ARRB1: variants seen among roughly 807,000 people sequenced by gnomAD.
The protein encoded by ARRB1 is beta-arrestin-1.
In ARRB1, 21 loss-of-function variants were observed where a neutral mutation model predicts 56.8. The observed-to-expected ratio is 0.37, with a 90% confidence interval of 0.26 to 0.53. The LOEUF is 0.53. ARRB1 is among the 20% of genes least tolerant of loss of function. The pLI is 0.88. For missense variants in ARRB1, 424 were observed against 553.7 expected, an observed-to-expected ratio of 0.77 and a Z score of 2.35; for synonymous variants, 210 against 218.6, an observed-to-expected ratio of 0.96 and a Z score of 0.35.
At chr11:75,297,718 A>G (rs1014723291) in intron 1 of ARRB1, among the ~76,000 whole-genome samples, 3 of 151,798 alleles carry the variant, frequency 2.0e-5, no homozygotes, top group Non-Finnish European at 4.4e-5. Context: ...TACAAACATT[A>G]GCCAGGTGTG....
chr11:75,266,088 A>T lies in ARRB1; in HGVS notation c.*75T>A. On this transcript the variant is annotated 3_prime_UTR_variant, in exon 16 of 16. Transcript: ENST00000420843. ...AAGAACAAAGGGGAAAAGAAACCAGAACAGGAAGAAGACGAGTAAGCATCC... is the reference window on the plus strand; with the variant it reads ...AAGAACAAAGGGGAAAAGAAACCAGTACAGGAAGAAGACGAGTAAGCATCC... 2 of 1,304,814 alleles carry T rather than the reference A, an allele frequency of 1.5e-6. No individual in the cohort carries two copies. The highest frequency in any genetic ancestry group is 2.2e-6 in the Non-Finnish European group (2 of 902,462). 80.8% of individuals were successfully genotyped at this position (1,304,814 alleles called of 1,614,324 possible). A position where few individuals can be genotyped will look rare whatever the true frequency, so the allele number is the denominator to read the frequency against.
chr11:75,267,158 T>G (rs1010569649), intron 15 of ARRB1, among the ~76,000 whole-genome samples: 11 of 152,266 alleles, frequency 7.2e-5, no homozygotes, highest in Non-Finnish European at 1.3e-4. Context: ...CTGGAGGCGG[T>G]CCGCGCAGTC....
intron 1 of ARRB1, among the ~76,000 whole-genome samples, chr11:75,345,830 G>T (rs891379992): frequency 2.0e-5 from 3 of 152,124 alleles, no homozygotes; most frequent in African/African-American, 7.2e-5. Context: ...AGCACTTAGG[G>T]AGTCCCTGGA....
At chr11:75,297,864 C>CAA (rs34831668) in intron 1 of ARRB1, among the ~76,000 whole-genome samples, 3,163 of 29,214 alleles carry the variant, frequency 0.11, 900 homozygotes, top group African/African-American at 0.3. Context: ...GACTTTGTCT[C>CAA]AAAAAAAAAA....
At position 75,261,762 on chromosome 11, in the gene ARRB1, A is replaced by T. The variant is rs147000172; in HGVS notation, c.*4401T>A. ...TCGTCCAGGAGGAATGGCAGAAGAG[A>T]TGGAGCTGCCTGGGCCAGGAGGAAA... On this transcript the variant is annotated 3_prime_UTR_variant, in exon 16 of 16. Transcript: ENST00000420843. 1 of 152,312 alleles carries T rather than the reference A, an allele frequency of 6.6e-6. No individual in the cohort carries two copies. The highest frequency in any genetic ancestry group is 1.9e-4 in the East Asian group (1 of 5,186). The allele number at this position is 152,312 out of a possible 1,614,324, so 9.4% of individuals were successfully genotyped here.
At chr11:75,303,494 C>A in intron 1 of ARRB1, 1 of 444,844 alleles carries the variant, frequency 2.2e-6, no homozygotes, top group South Asian at 1.6e-5. Context: ...CCTGACTCCT[C>A]TGCCCTTGCT....
rs1299300769 is a variant in ARRB1 at position 75,264,002 on chromosome 11, T to A, written c.*2161A>T. Reference sequence around the variant, plus strand: ...CTGGAGGGCATATGTTTGCCATGCATTGCTCCAGCATTTCATCAGCTCTGC... The same window carrying A: ...CTGGAGGGCATATGTTTGCCATGCAATGCTCCAGCATTTCATCAGCTCTGC... On this transcript the variant is annotated 3_prime_UTR_variant, in exon 16 of 16. Coordinates refer to ENST00000420843, the MANE Select transcript of ARRB1 (RefSeq NM_004041.5). Among the ~76,000 whole-genome samples, 3 of 152,214 alleles carry A rather than the reference T, an allele frequency of 2.0e-5. No individual in the cohort carries two copies. Among genetic ancestry groups the A allele is most frequent in the African/African-American group, 7.2e-5 (3 of 41,456 alleles).
intron 1 of ARRB1, among the ~76,000 whole-genome samples, chr11:75,338,076 T>C (rs919381391): frequency 2.6e-5 from 4 of 151,986 alleles, no homozygotes; most frequent in African/African-American, 9.7e-5. Context: ...AAAAAGTCAA[T>C]GCAGCCAGGT....
chr11:75,290,217 C>G (rs761016153), intron 1 of ARRB1, among the ~76,000 whole-genome samples, 178 bp from the exon 2 acceptor site: 11 of 152,266 alleles, frequency 7.2e-5, no homozygotes, highest in Non-Finnish European at 1.3e-4. Context: ...ACTGGTAAGC[C>G]TCCACGATAG....
chr11:75,280,912 AGCCCTCC>A, intron 7 of ARRB1, 156 bp downstream of exon 7: 1 of 757,872 alleles, frequency 1.3e-6, no homozygotes, highest in Non-Finnish European at 2.2e-6. Context: ...TCCCCAAGGA[AGCCCTCC>A]GTGACCTCCC....
At chr11:75,351,365 A>G (rs895185271) in intron 1 of ARRB1, among the ~76,000 whole-genome samples, 2 of 152,146 alleles carry the variant, frequency 1.3e-5, no homozygotes, top group African/African-American at 2.4e-5. Flanking sequence ...TGTCCGGGCC[A>G]GGAGCTGCGG....
At chr11:75,312,090 C>G in intron 1 of ARRB1, 1 of 1,289,592 alleles carries the variant, frequency 7.8e-7, no homozygotes, top group South Asian at 1.2e-5. Context: ...AAGTCTCCTT[C>G]CATGGCCTCT....
At chr11:75,288,952 T>A (rs1946544795) in intron 2 of ARRB1, among the ~76,000 whole-genome samples, 3 of 152,132 alleles carry the variant, frequency 2.0e-5, no homozygotes, top group Admixed American at 2.0e-4. Context: ...TTCCTCAGTG[T>A]CCAAAAATAA....
intron 9 of ARRB1, 108 bp from the exon 10 acceptor site, chr11:75,277,019 G>T: frequency 9.1e-7 from 1 of 1,100,104 alleles, no homozygotes; most frequent in Non-Finnish European, 1.4e-6. Context: ...ATGGCCAGAG[G>T]CCACCAGTGG....
intron 1 of ARRB1, among the ~76,000 whole-genome samples, chr11:75,305,018 C>CTTTTTTTTTTTTTTTTTT (rs35323331): frequency 3.6e-4 from 31 of 86,736 alleles, no homozygotes; most frequent in Non-Finnish European, 4.2e-4. Context: ...TTCTTTCTTT[C>CTTTTTTTTTTTTTTTTTT]TTTTTTTTTT....
chr11:75,318,140 T>C (rs960044806), intron 1 of ARRB1, among the ~76,000 whole-genome samples: 11 of 142,772 alleles, frequency 7.7e-5, no homozygotes, highest in Non-Finnish European at 1.3e-4. Context: ...GGAATAAGCA[T>C]TTCTAACTTT....
intron 1 of ARRB1, among the ~76,000 whole-genome samples, chr11:75,347,918 T>C (rs1485532019): frequency 6.6e-6 from 1 of 152,142 alleles, no homozygotes; most frequent in Non-Finnish European, 1.5e-5. Context: ...AGTTCAGAGC[T>C]CACAGCCTTA....
At chr11:75,306,406 C>A in intron 1 of ARRB1, 1 of 455,704 alleles carries the variant, frequency 2.2e-6, no homozygotes. Context: ...CGCACTGTTC[C>A]TCCCTGTGTT....
At chr11:75,306,445 T>G (rs1467908878) in intron 1 of ARRB1, 1 of 545,354 alleles carries the variant, frequency 1.8e-6, no homozygotes. Context: ...CAGAGGCTGG[T>G]GCGCAGGAAG....
Sources: gnomAD v4.1 joint callset for allele counts (sites outside exome capture counted in the v4.1 genomes callset) on GRCh38, gnomAD v4.1.1 for gene constraint, MANE v1.5 for transcripts, NCBI Gene and HGNC (gene_info 2026-07-23, HGNC 2026-07-21) for gene names.